DCHS2: variants seen among roughly 807,000 people sequenced by gnomAD.
DCHS2 encodes the protein protocadherin-23.
Under a neutral mutation model 182.4 loss-of-function variants are expected in DCHS2, and 142 were observed. The observed-to-expected ratio is 0.78, with a 90% CI of 0.68 to 0.89. The LOEUF (loss-of-function observed/expected upper bound fraction) is 0.89, where lower values mean the gene tolerates loss of function less well. Ranked by LOEUF, DCHS2 falls within the 40% of genes least tolerant of loss-of-function variation. The probability of loss-of-function intolerance (pLI) is 0.00; values close to 1 mark genes in which losing one functional copy is unlikely to be tolerated. For synonymous variants in DCHS2, 1,740 were observed against 1,663.3 expected, an observed-to-expected ratio of 1.05 and a Z score of -1.12; for missense variants, 4,319 against 4,198.6, an observed-to-expected ratio of 1.03 and a Z score of -0.79.
chr4:154,353,864 T>A (rs970635990), intron 3 of DCHS2, among the ~76,000 whole-genome samples: 4 of 152,206 alleles, frequency 2.6e-5, no homozygotes, highest in Admixed American at 6.5e-5. Flanking sequence ...ATCTAAGAAT[T>A]GCATTTTTAA....
intron 6 of DCHS2, among the ~76,000 whole-genome samples, chr4:154,328,844 T>C (rs1736397347): frequency 6.6e-6 from 1 of 152,214 alleles, no homozygotes; most frequent in Non-Finnish European, 1.5e-5. Context: ...TTGTTCAATA[T>C]GTATATTTGA....
intron 3 of DCHS2, chr4:154,354,826 A>G (rs549814513): frequency 1.4e-4 from 22 of 152,304 alleles, no homozygotes; most frequent in African/African-American, 4.6e-4. Context: ...TCCTGCTGTC[A>G]TGAATGCATG....
chr4:154,455,986 A>C (rs1359188966), intron 1 of DCHS2, among the ~76,000 whole-genome samples: 1 of 152,080 alleles, frequency 6.6e-6, no homozygotes, highest in Non-Finnish European at 1.5e-5. Context: ...GCTACTCAGG[A>C]GGCTGAGGTA....
intron 16 of DCHS2, among the ~76,000 whole-genome samples, chr4:154,247,635 C>CAAAAAAAAAAAAAAAAAAA (rs67157369): frequency 6.0e-5 from 6 of 100,140 alleles, no homozygotes; most frequent in African/African-American, 2.0e-4. Flanking sequence ...GACTCCGTCT[C>CAAAAAAAAAAAAAAAAAAA]AAAAAAAAAA....
intron 1 of DCHS2, among the ~76,000 whole-genome samples, chr4:154,476,264 A>C (rs1735674501): frequency 6.6e-6 from 1 of 152,222 alleles, no homozygotes; most frequent in South Asian, 2.1e-4. Context: ...CAGATTATTA[A>C]CTTGAGACAT....
rs773041159 is a variant in DCHS2, at chr4:154,298,695, A to G, written c.5619T>C (p.Asp1873=). ...ACATCTCATTTATAGTAAAGCACTCATCAGTATTTCCATCTATTAAAGAAA... is the reference window on the plus strand; with the variant it reads ...ACATCTCATTTATAGTAAAGCACTCGTCAGTATTTCCATCTATTAAAGAAA... ...VEYHIIDGNT[D]ECFTINEMSG... The change falls in exon 13 of 20, where the codon GAT becomes GAC. Residue 1873 remains aspartate, a synonymous_variant. Coordinates refer to ENST00000357232, the MANE Select transcript of DCHS2 (RefSeq NM_001358235.2). 13 of 1,574,932 alleles carry G rather than the reference A, an allele frequency of 8.3e-6. No homozygotes were observed. The highest frequency in any genetic ancestry group is 2.2e-5 in the East Asian group (1 of 44,558).
intron 13 of DCHS2, among the ~76,000 whole-genome samples, chr4:154,271,908 C>T (rs1733619618): frequency 6.6e-6 from 1 of 152,002 alleles, no homozygotes; most frequent in Non-Finnish European, 1.5e-5. Context: ...ATATTCGACA[C>T]CTCAAAATGC....
At chr4:154,448,202 C>T (rs1397041807) in intron 1 of DCHS2, among the ~76,000 whole-genome samples, 1 of 152,178 alleles carries the variant, frequency 6.6e-6, no homozygotes, top group Non-Finnish European at 1.5e-5. Context: ...CTTGCCCTCC[C>T]ATTCCTGGCT....
chr4:154,235,897 G>A lies in DCHS2; in HGVS notation c.8755C>T (p.Leu2919Phe). The A allele has an allele frequency of 6.2e-7, 1 of 1,614,014 alleles. No homozygotes were observed. The highest frequency in any genetic ancestry group is 8.5e-7 in the Non-Finnish European group (1 of 1,179,946). ...AGIDGVILYS[L>F]GTSSPFFSVN... ...GAAAAGAAAGGAGATGAGGTTCCAA[G>A]GGAGTAAAGAATGACTCCATCAATA... The change falls in exon 20 of 20, where the codon CTT becomes TTT. Residue 2919 changes from leucine to phenylalanine, a missense_variant. Transcript: ENST00000357232.
chr4:154,477,105 A>G (rs1735716494), intron 1 of DCHS2, among the ~76,000 whole-genome samples: 1 of 152,218 alleles, frequency 6.6e-6, no homozygotes, highest in South Asian at 2.1e-4. Flanking sequence ...CTTAAACAAC[A>G]GAAGTTTATT....
Position 154,236,637 on chromosome 4 carries a change from G to A in DCHS2, c.8015C>T (p.Thr2672Ile), listed in dbSNP as rs1731523584. The change falls in exon 20 of 20, where the codon ACC becomes ATC. Residue 2672 changes from threonine (T) to isoleucine (I), a missense_variant. Transcript: ENST00000357232. ...TAGAGGGGTGCTTTCCTTGACATGG[G>A]TGTGATAGCTCAGGCTGCTGAAGTT... ...PPNFSSLSYH[T>I]HVKESTPLGS... is the part of the protein sequence containing the mutation. 6.2e-7 allele frequency: 1 copy of A among 1,614,006 alleles called. No homozygotes were observed. The highest frequency in any genetic ancestry group is 1.3e-5 in the African/African-American group (1 of 75,032).
rs764828024 is a variant in DCHS2 at position 154,298,468 on chromosome 4, C to G, written c.5846G>C (p.Gly1949Ala). The change falls in exon 13 of 20, where the codon GGA (glycine) becomes GCA (alanine). Residue 1949 changes from glycine (G) to alanine (A), a missense_variant. By Grantham distance (60) the Gly-to-Ala change is moderately conservative. Coordinates refer to ENST00000357232, the MANE Select transcript of DCHS2 (RefSeq NM_001358235.2). ...QSSVREDAEV[G>A]TVVLVLSAVD... ...AGCTGAAAGCACAAGAACCACTGTT[C>G]CCACTTCAGCATCTTCTCTCACAGA... The G allele has an allele frequency of 2.5e-6, 4 of 1,614,144 alleles. No homozygotes were observed. The highest frequency in any genetic ancestry group is 3.4e-6 in the Non-Finnish European group (4 of 1,179,994).
intron 3 of DCHS2, among the ~76,000 whole-genome samples, chr4:154,359,977 A>T (rs937587917): frequency 6.6e-6 from 1 of 151,870 alleles, no homozygotes; most frequent in Non-Finnish European, 1.5e-5. Context: ...CTTCATCTTT[A>T]GTGTTTTTTT....
intron 1 of DCHS2, among the ~76,000 whole-genome samples, chr4:154,480,103 A>G (rs1735863616): frequency 6.6e-6 from 1 of 152,224 alleles, no homozygotes; most frequent in Admixed American, 6.5e-5. Context: ...CTTGTATAAT[A>G]GATATTCTTA....
intron 16 of DCHS2, among the ~76,000 whole-genome samples, chr4:154,251,501 A>G (rs1296259252): frequency 2.0e-5 from 3 of 152,094 alleles, no homozygotes; most frequent in Non-Finnish European, 2.9e-5. Context: ...TCTGCCATAT[A>G]TCTTACTAGG....
rs189418759 is a variant in DCHS2, at chr4:154,332,360, C to T, written c.3730+118G>A. The T allele has an allele frequency of 1.2e-4, 109 of 905,160 alleles. No homozygotes were observed. In the African/African-American group the frequency reaches 1.3e-3, roughly 11 times the overall value. 56.1% of individuals were successfully genotyped at this position (905,160 alleles called of 1,614,324 possible). ...TATGCACTAATGCTATACCTAACGA[C>T]TTGAGTTTTCTCAATCCTGATTTTG... On this transcript the variant is annotated intron_variant, in intron 5 of 19. Coordinates refer to ENST00000357232, the MANE Select transcript of DCHS2 (RefSeq NM_001358235.2).
Position 154,305,138 on chromosome 4 carries a change from G to A in DCHS2, c.5354C>T (p.Thr1785Ile), listed in dbSNP as rs747563922. 5.6e-6 allele frequency: 9 copies of A among 1,612,568 alleles called. No homozygotes were observed. The African/African-American group carries it at 1.1e-4, about 19-fold the overall frequency. The change falls in exon 11 of 20, where the codon ACC becomes ATC. Residue 1785 changes from threonine to isoleucine, a missense_variant. Coordinates refer to ENST00000357232, the MANE Select transcript of DCHS2 (RefSeq NM_001358235.2). ...TTCTTGAATTTCTCTGTCAAGTATG[G>A]TGGTTGTCACTACCTCTCCAGTGTC... Reference protein sequence around the residue: ...NSDTGEVVTTTILDREIQEVF... With the variant: ...NSDTGEVVTTIILDREIQEVF...
chr4:154,255,149 G>A (rs117991609), intron 16 of DCHS2, among the ~76,000 whole-genome samples: 4 of 152,132 alleles, frequency 2.6e-5, no homozygotes, highest in East Asian at 1.9e-4. Context: ...TCCCTCAGTC[G>A]TCACGTTTTA....
At position 154,305,124 on chromosome 4, in the gene DCHS2, C is replaced by T; in HGVS notation, c.5368G>A (p.Glu1790Lys). ...CGAAGGGTGAAGACTTCTTGAATTT[C>T]TCTGTCAAGTATGGTGGTTGTCACT... ...EVVTTTILDR[E>K]IQEVFTLRVL... The change falls in exon 11 of 20, where the codon GAA becomes AAA. Residue 1790 changes from glutamate (E) to lysine (K), a missense_variant. By Grantham distance (56) the Glu-to-Lys change is moderately conservative. Transcript: ENST00000357232. 6.2e-7 allele frequency: 1 copy of T among 1,610,880 alleles called. No homozygotes were observed. The highest frequency in any genetic ancestry group is 8.5e-7 in the Non-Finnish European group (1 of 1,179,092).
Sources: allele counts gnomAD v4.1 joint callset (sites outside exome capture counted in the v4.1 genomes callset), GRCh38; gene constraint gnomAD v4.1.1; transcripts MANE v1.5; gene names NCBI Gene and HGNC (gene_info 2026-07-23, HGNC 2026-07-21).